GOLM2: variants seen among roughly 807,000 people sequenced by gnomAD.
GOLM2 encodes protein GOLM2.
GOLM2 carries 26 observed loss-of-function variants against 55.9 expected under a neutral mutation model. The ratio of observed to expected loss-of-function variants is 0.47; its 90% CI spans 0.34 to 0.65. The LOEUF (loss-of-function observed/expected upper bound fraction) is 0.65, where lower values mean the gene tolerates loss of function less well. Ranked by LOEUF, GOLM2 falls within the 30% of genes least tolerant of loss-of-function variation. The pLI, the probability that GOLM2 is intolerant of heterozygous loss-of-function variation, is 0.01. For synonymous variants in GOLM2, 165 were observed against 194.6 expected (o/e 0.85, Z 1.27); for missense variants, 486 against 531.8 (o/e 0.91, Z 0.85).
chr15:44,327,489 ATTCTGTAACCC>A (rs1015416440), intron 2 of GOLM2, among the ~76,000 whole-genome samples: 51 of 152,192 alleles, frequency 3.4e-4, no homozygotes, highest in Non-Finnish European at 5.9e-4. Flanking sequence ...AATAAGACTA[ATTCTGTAACCC>A]TTCTGTAAAA....
chr15:44,401,120 T>G (rs2141213635), intron 8 of GOLM2, among the ~76,000 whole-genome samples: 1 of 152,318 alleles, frequency 6.6e-6, no homozygotes, highest in East Asian at 1.9e-4. Context: ...TTTATCTATG[T>G]ATTTATCTTC....
At chr15:44,383,665 T>G (rs529033447) in intron 8 of GOLM2, among the ~76,000 whole-genome samples, 1 of 149,858 alleles carries the variant, frequency 6.7e-6, no homozygotes, top group East Asian at 1.9e-4. Context: ...TCTTTTCTTT[T>G]TCTTTTTTTC....
chr15:44,347,938 G>A (rs181330726), intron 6 of GOLM2, among the ~76,000 whole-genome samples: 9 of 152,252 alleles, frequency 5.9e-5, no homozygotes, highest in Admixed American at 5.9e-4. Context: ...TGCCTATAGT[G>A]TCTAGACACA....
chr15:44,339,336 A>G (rs1465707858), intron 6 of GOLM2, among the ~76,000 whole-genome samples: 2 of 152,096 alleles, frequency 1.3e-5, no homozygotes, highest in African/African-American at 4.8e-5. Flanking sequence ...ATTTTTTAAA[A>G]TTAATTAATT....
chr15:44,407,266 A>T (rs1411696939), intron 9 of GOLM2, among the ~76,000 whole-genome samples: 2 of 146,510 alleles, frequency 1.4e-5, no homozygotes, highest in Non-Finnish European at 3.0e-5. Flanking sequence ...TTATATATTT[A>T]TATATATATA....
Position 44,289,222 on chromosome 15 carries a change from A to G in GOLM2, c.193A>G (p.Lys65Glu). 1 of 1,614,164 alleles carries G rather than the reference A, an allele frequency of 6.2e-7. No homozygotes were observed. Among genetic ancestry groups the G allele is most frequent in the East Asian group, 2.2e-5 (1 of 44,886 alleles). Residue 65 changes from lysine to glutamate, a missense_variant, in exon 1 of 10, where the codon AAG becomes GAG. Transcript: ENST00000299957. The surrounding 1 kb of genome is among the most constrained non-coding windows in gnomAD (Gnocchi z 4.8). ...CGAAGTGGCCCGCGGGCGGCTGGAA[A>G]AGCGCAATTCGGACCTCTTGCTGTT... ...RTEVARGRLE[K>E]RNSDLLLLVD...
chr15:44,357,015 T>TA (rs1446744324), intron 6 of GOLM2, among the ~76,000 whole-genome samples: 1 of 151,602 alleles, frequency 6.6e-6, no homozygotes, highest in African/African-American at 2.4e-5. Context: ...TATAAAAAAA[T>TA]ACAAAAACTA....
intron 1 of GOLM2, among the ~76,000 whole-genome samples, chr15:44,314,093 C>T (rs149371320): frequency 0.034 from 5,088 of 151,702 alleles, 305 homozygotes; most frequent in African/African-American, 0.12. Context: ...AAAAATTAGC[C>T]GGGTGTTGTG....
chr15:44,292,840 G>A (rs1257434048), intron 1 of GOLM2, among the ~76,000 whole-genome samples: 1 of 151,842 alleles, frequency 6.6e-6, no homozygotes, highest in African/African-American at 2.4e-5. Context: ...TTTGAGACAG[G>A]GTCTTGCTCT....
At chr15:44,344,574 A>G (rs2079110976) in intron 6 of GOLM2, among the ~76,000 whole-genome samples, 2 of 151,774 alleles carry the variant, frequency 1.3e-5, no homozygotes, top group Non-Finnish European at 1.5e-5. Context: ...TTAAACTTTT[A>G]AAATCTTTTT....
intron 6 of GOLM2, among the ~76,000 whole-genome samples, chr15:44,354,227 C>A (rs1368806589): frequency 6.9e-6 from 1 of 145,078 alleles, no homozygotes; most frequent in Non-Finnish European, 1.5e-5. Context: ...CCAAGATAGA[C>A]CATAAAACGG....
At chr15:44,377,978 T>A (rs1443157109) in intron 6 of GOLM2, among the ~76,000 whole-genome samples, 4 of 150,918 alleles carry the variant, frequency 2.7e-5, no homozygotes, top group Admixed American at 2.6e-4. Context: ...TTTCTATTTT[T>A]CCAAGTTTTC....
chr15:44,346,693 A>C (rs1489995122), intron 6 of GOLM2, among the ~76,000 whole-genome samples: 1 of 152,210 alleles, frequency 6.6e-6, no homozygotes, highest in Non-Finnish European at 1.5e-5. Context: ...CTCTAGATTG[A>C]AACCAGTAAT....
chr15:44,372,468 A>T (rs2079334863), intron 6 of GOLM2, among the ~76,000 whole-genome samples: 1 of 152,234 alleles, frequency 6.6e-6, no homozygotes, highest in Non-Finnish European at 1.5e-5. Context: ...CTGCAACTGA[A>T]GCCTAAAAGA....
rs750657330 is a variant in GOLM2, at chr15:44,337,925, CTTTTG to C, written c.721+25_721+29del. ...TGGGAAAGGTATTATTGTTATTATT[CTTTTG>C]TTTTGTATTAATAGGATATTGACTT... On this transcript the variant is annotated intron_variant, in intron 5 of 9. Transcript: ENST00000299957. 7 of 1,571,390 alleles carry C rather than the reference CTTTTG, an allele frequency of 4.5e-6. No individual in the cohort carries two copies. The African/African-American group carries it at 6.9e-5, about 16-fold the overall frequency.
Position 44,350,337 on chromosome 15 carries a change from A to G in GOLM2, c.802+12020A>G, listed in dbSNP as rs12592739. 5.9e-3 allele frequency among the ~76,000 whole-genome samples: 894 copies of G among 152,330 alleles called. 18 individuals carry two copies. Among genetic ancestry groups the G allele is most frequent in the East Asian group, 0.055 (284 of 5,188 alleles). On this transcript the variant is annotated intron_variant, in intron 6 of 9. Coordinates refer to ENST00000299957, the MANE Select transcript of GOLM2 (RefSeq NM_138423.4). ...ATTCAAAGGATCACTAGAGGGTACTATGAGCAACTATATGCCAGTAATTTG... is the reference window on the plus strand; with the variant it reads ...ATTCAAAGGATCACTAGAGGGTACTGTGAGCAACTATATGCCAGTAATTTG...
At chr15:44,384,409 G>A (rs187824054) in intron 8 of GOLM2, among the ~76,000 whole-genome samples, 224 of 152,116 alleles carry the variant, frequency 1.5e-3, no homozygotes, top group Non-Finnish European at 3.4e-4. Flanking sequence ...TCAGGAGATC[G>A]AGACCATCCT....
chr15:44,321,916 G>C (rs993767848), intron 1 of GOLM2, among the ~76,000 whole-genome samples: 2 of 151,926 alleles, frequency 1.3e-5, no homozygotes, highest in Non-Finnish European at 2.9e-5. Context: ...AAAATTAACT[G>C]GGTATTATGA....
chr15:44,364,441 CAGG>C (rs774585731), intron 6 of GOLM2, among the ~76,000 whole-genome samples: 7 of 152,220 alleles, frequency 4.6e-5, no homozygotes, highest in Non-Finnish European at 8.8e-5. Flanking sequence ...GAGGCTGAGG[CAGG>C]AGAATGGCAT....
Sources: allele counts gnomAD v4.1 joint callset (sites outside exome capture counted in the v4.1 genomes callset), GRCh38; gene constraint gnomAD v4.1.1; non-coding constraint Gnocchi (gnomAD v3.1); transcripts MANE v1.5; gene names NCBI Gene and HGNC (gene_info 2026-07-23, HGNC 2026-07-21).